The following AGBL4 variants were observed in gnomAD, a reference collection of about 807,000 sequenced individuals.
AGBL4 encodes the protein AGBL carboxypeptidase 4.
AGBL4 carries 58 observed loss-of-function variants against 66.4 expected under a neutral mutation model. That is an observed-to-expected ratio of 0.87 (90% CI 0.71 to 1.09). The LOEUF (loss-of-function observed/expected upper bound fraction) is 1.09, where lower values mean the gene tolerates loss of function less well. AGBL4 is among the 50% of genes least tolerant of loss of function. The pLI is 0.00. For missense variants in AGBL4, 579 were observed against 631.0 expected (o/e 0.92, Z 0.88); for synonymous variants, 234 against 222.9 (o/e 1.05, Z -0.44).
intron 3 of AGBL4, among the ~76,000 whole-genome samples, chr1:49,260,848 A>C (rs1000397080): frequency 2.2e-3 from 331 of 151,984 alleles, no homozygotes; most frequent in African/African-American, 7.4e-3. Flanking sequence ...GGGCAGAGAC[A>C]CAACCAAAAA....
At chr1:48,659,660 G>C (rs1464843522) in intron 7 of AGBL4, among the ~76,000 whole-genome samples, 1 of 152,222 alleles carries the variant, frequency 6.6e-6, no homozygotes, top group Non-Finnish European at 1.5e-5. Flanking sequence ...GCAGAGCTCA[G>C]CTAGTGACCC....
intron 5 of AGBL4, among the ~76,000 whole-genome samples, chr1:48,981,100 A>G (rs1022975786): frequency 4.6e-5 from 7 of 152,142 alleles, no homozygotes; most frequent in Non-Finnish European, 1.0e-4. Flanking sequence ...AGCTCACTCA[A>G]GGTCCTTTGG....
At chr1:49,966,122 T>G (rs978290091) in intron 1 of AGBL4, among the ~76,000 whole-genome samples, 1 of 151,922 alleles carries the variant, frequency 6.6e-6, no homozygotes, top group Non-Finnish European at 1.5e-5. Context: ...TTTTGTATTT[T>G]TAGTAGAGAC....
chr1:48,579,113 A>G (rs1644697161), intron 11 of AGBL4, among the ~76,000 whole-genome samples: 1 of 152,210 alleles, frequency 6.6e-6, no homozygotes, highest in Non-Finnish European at 1.5e-5. Context: ...TAAGTCCCTT[A>G]TACTCAATAT....
At chr1:49,761,982 T>G (rs1410738224) in intron 2 of AGBL4, among the ~76,000 whole-genome samples, 1 of 152,328 alleles carries the variant, frequency 6.6e-6, no homozygotes, top group South Asian at 2.1e-4. Flanking sequence ...CATCTATTAT[T>G]GCATACTTGG....
intron 5 of AGBL4, among the ~76,000 whole-genome samples, chr1:48,926,361 C>T (rs1229219261): frequency 6.6e-6 from 1 of 151,806 alleles, no homozygotes; most frequent in Non-Finnish European, 1.5e-5. Flanking sequence ...CTCACAGCAA[C>T]CTCTGCCTCC....
Position 49,618,919 on chromosome 1 carries a change from C to T in AGBL4, c.282+78394G>A, listed in dbSNP as rs191762152. Among the ~76,000 whole-genome samples the T allele has an allele frequency of 3.6e-3, 548 of 152,192 alleles. 4 individuals are homozygous for T. Among genetic ancestry groups the T allele is most frequent in the African/African-American group, 0.013 (525 of 41,532 alleles). ...AAATACCTTCGATAAAATTCAACACCGCTTCATGCTAAAAATTCTCAATAA... is the reference window on the plus strand; with the variant it reads ...AAATACCTTCGATAAAATTCAACACTGCTTCATGCTAAAAATTCTCAATAA... On this transcript the variant is annotated intron_variant, in intron 3 of 13. Coordinates refer to ENST00000371839, the MANE Select transcript of AGBL4 (RefSeq NM_032785.4).
intron 11 of AGBL4, among the ~76,000 whole-genome samples, chr1:48,583,185 T>C (rs969065437): frequency 1.3e-5 from 2 of 152,192 alleles, no homozygotes; most frequent in African/African-American, 4.8e-5. Flanking sequence ...CCAATGCTCT[T>C]TGCCCTACAA....
At chr1:49,359,421 A>G (rs1302853782) in intron 3 of AGBL4, among the ~76,000 whole-genome samples, 1 of 152,252 alleles carries the variant, frequency 6.6e-6, no homozygotes, top group African/African-American at 2.4e-5. Context: ...TACTCACACA[A>G]TCTCTGACAT....
At chr1:49,952,198 A>C (rs758649562) in intron 1 of AGBL4, among the ~76,000 whole-genome samples, 4 of 151,902 alleles carry the variant, frequency 2.6e-5, no homozygotes, top group Non-Finnish European at 4.4e-5. Context: ...TAGAGAGTGG[A>C]TAGTACTAAG....
chr1:49,400,196 T>C (rs1419708025), intron 3 of AGBL4, among the ~76,000 whole-genome samples: 1 of 152,202 alleles, frequency 6.6e-6, no homozygotes, highest in Non-Finnish European at 1.5e-5. Context: ...ACCATAGGTA[T>C]GTGGATTTGT....
At chr1:48,606,457 T>C (rs980639906) in intron 9 of AGBL4, among the ~76,000 whole-genome samples, 3 of 152,092 alleles carry the variant, frequency 2.0e-5, no homozygotes, top group African/African-American at 7.2e-5. Flanking sequence ...GATAATAAAG[T>C]CTCGGTTTCT....
intron 5 of AGBL4, among the ~76,000 whole-genome samples, chr1:48,871,461 G>A (rs1044523941): frequency 1.1e-4 from 16 of 151,836 alleles, no homozygotes; most frequent in African/African-American, 3.9e-4. Context: ...TTTGGATGGA[G>A]GAGAATGCAT....
At chr1:49,097,704 C>T (rs903627440) in intron 4 of AGBL4, among the ~76,000 whole-genome samples, 12 of 152,210 alleles carry the variant, frequency 7.9e-5, no homozygotes, top group Admixed American at 3.9e-4. Flanking sequence ...CCTCAGCCTC[C>T]GGAGTAGCTG....
intron 3 of AGBL4, among the ~76,000 whole-genome samples, chr1:49,328,670 A>T (rs1484479554): frequency 6.6e-6 from 1 of 152,218 alleles, no homozygotes; most frequent in Non-Finnish European, 1.5e-5. Context: ...TCAACATGAC[A>T]GAAACTTCAT....
At chr1:49,248,425 G>C (rs1651805670) in intron 3 of AGBL4, among the ~76,000 whole-genome samples, 2 of 152,104 alleles carry the variant, frequency 1.3e-5, no homozygotes, top group Admixed American at 1.3e-4. Context: ...TTTGAGACAG[G>C]AACTATTTGT....
At chr1:49,323,522 C>G (rs542999371) in intron 3 of AGBL4, among the ~76,000 whole-genome samples, 95 of 149,926 alleles carry the variant, frequency 6.3e-4, no homozygotes, top group African/African-American at 2.3e-3. Flanking sequence ...GTCTCAAACT[C>G]CTGGGCTCAG....
intron 6 of AGBL4, among the ~76,000 whole-genome samples, chr1:48,775,954 T>C (rs149042842): frequency 3.5e-4 from 53 of 152,346 alleles, no homozygotes; most frequent in African/African-American, 1.2e-3. Flanking sequence ...TTAGGGCCTC[T>C]ACCTCCTTAC....
rs1340604008 is a variant in AGBL4 at position 49,142,516 on chromosome 1, G to A, written c.378-96716C>T. On this transcript the variant is annotated intron_variant, in intron 4 of 13. Transcript: ENST00000371839. The stretch of plus-strand genomic sequence containing the variant: ...TAAGATTAATAACACCTGCCCTCAT[G>A]AGAGTAGTAGGAGAATGACTTAAGT... 4.6e-5 allele frequency among the ~76,000 whole-genome samples: 7 copies of A among 152,208 alleles called. No individual in the cohort carries two copies. The East Asian group carries it at 1.3e-3, about 29-fold the overall frequency.
Sources: allele counts gnomAD v4.1 joint callset (sites outside exome capture counted in the v4.1 genomes callset), GRCh38; gene constraint gnomAD v4.1.1; transcripts MANE v1.5; gene names NCBI Gene and HGNC (gene_info 2026-07-23, HGNC 2026-07-21).